EFCAB14: variants seen among roughly 807,000 people sequenced by gnomAD.
The protein encoded by EFCAB14 is EF-hand calcium-binding domain-containing protein 14.
Under a neutral mutation model 56.5 loss-of-function variants are expected in EFCAB14, and 43 were observed. The ratio of observed to expected loss-of-function variants is 0.76; its 90% CI spans 0.60 to 0.98. The LOEUF (loss-of-function observed/expected upper bound fraction) is 0.98. EFCAB14 is among the 50% of genes least tolerant of loss of function. The probability of loss-of-function intolerance (pLI) is 0.00; values close to 1 mark genes in which losing one functional copy is unlikely to be tolerated. For missense variants in EFCAB14, 538 were observed against 580.3 expected, an observed-to-expected ratio of 0.93 and a Z score of 0.75; for synonymous variants, 235 against 212.9, an observed-to-expected ratio of 1.10 and a Z score of -0.90.
At chr1:46,692,106 C>G in intron 4 of EFCAB14, 169 bp from the exon 5 acceptor site, 1 of 502,742 alleles carries the variant, frequency 2.0e-6, no homozygotes, top group Non-Finnish European at 3.5e-6. Context: ...AAAGTTTCCT[C>G]ATGACTCTCT....
intron 3 of EFCAB14, among the ~76,000 whole-genome samples, chr1:46,706,961 G>A (rs945790202): frequency 5.9e-5 from 9 of 152,270 alleles, no homozygotes; most frequent in African/African-American, 2.2e-4. Context: ...GCAAAAGTTT[G>A]GAAGTCACTG....
chr1:46,684,622 TAGA>T lies in EFCAB14; in HGVS notation c.1075-23_1075-21del. ...TTCTTTCTGCACAAAACAAAGATTA[TAGA>T]AGGTTTAAGGTGGTAGTAAGACTTC... On this transcript the variant is annotated intron_variant, in intron 8 of 10. Transcript: ENST00000371933. 1 of 1,598,830 alleles carries T rather than the reference TAGA, an allele frequency of 6.3e-7. No homozygotes were observed. Among genetic ancestry groups the T allele is most frequent in the Non-Finnish European group, 8.6e-7 (1 of 1,166,194 alleles).
chr1:46,691,662 A>G (rs1676994221), intron 5 of EFCAB14, among the ~76,000 whole-genome samples, 165 bp downstream of exon 5: 1 of 152,218 alleles, frequency 6.6e-6, no homozygotes, highest in Non-Finnish European at 1.5e-5. Context: ...TTTATCTACC[A>G]TAATTGCTTT....
chr1:46,698,784 A>C (rs915920698), intron 3 of EFCAB14, among the ~76,000 whole-genome samples: 1 of 152,198 alleles, frequency 6.6e-6, no homozygotes, highest in Non-Finnish European at 1.5e-5. Context: ...GTGCCAGAAC[A>C]GACAGGACTC....
intron 7 of EFCAB14, 82 bp downstream of exon 7, chr1:46,688,271 G>A (rs893597376): frequency 8.8e-5 from 118 of 1,345,722 alleles, no homozygotes; most frequent in Non-Finnish European, 1.1e-4. Flanking sequence ...TATGCCAGAA[G>A]GCTGTTCTCA....
At position 46,691,943 on chromosome 1, in the gene EFCAB14, T is replaced by C. The variant is rs756926653; in HGVS notation, c.580-6A>G. On this transcript the variant is annotated splice_region_variant and splice_polypyrimidine_tract_variant and intron_variant, in intron 4 of 10. Transcript: ENST00000371933. ...TTGCCAATGGAAGCTACACTCTGAA[T>C]GGAAACATATAGGAAGGTGTAAAAA... The C allele has an allele frequency of 1.9e-6, 3 of 1,610,302 alleles. No homozygotes were observed. Among genetic ancestry groups the C allele is most frequent in the Non-Finnish European group, 2.5e-6 (3 of 1,177,616 alleles).
At chr1:46,685,802 T>C (rs1676872061) in intron 8 of EFCAB14, among the ~76,000 whole-genome samples, 1 of 152,206 alleles carries the variant, frequency 6.6e-6, no homozygotes, top group African/African-American at 2.4e-5. Context: ...TACATCTGGC[T>C]CTTAAGTTTT....
rs1298866510 is a variant in EFCAB14, at chr1:46,718,160, T to C, written c.-73A>G. ...CGTACCCGATGCCCAATTCTCTTCC[T>C]GCCTTGGAGCTGCCTTCCAGGGTTG... On this transcript the variant is annotated 5_prime_UTR_variant, in exon 1 of 11. Transcript: ENST00000371933. 8.5e-6 allele frequency: 13 copies of C among 1,521,976 alleles called. No homozygotes were observed. Among genetic ancestry groups the C allele is most frequent in the Non-Finnish European group, 1.2e-5 (13 of 1,116,206 alleles). 94.3% of individuals were successfully genotyped at this position (1,521,976 alleles called of 1,614,324 possible). A position where few individuals can be genotyped will look rare whatever the true frequency, so the allele number is the denominator to read the frequency against.
rs1677083652 is a variant in EFCAB14, at chr1:46,696,789, T to C, written c.481-140A>G. 8.4e-6 allele frequency: 6 copies of C among 711,722 alleles called. No homozygotes were observed. In the South Asian group the frequency reaches 1.1e-4, roughly 13 times the overall value. The allele number at this position is 711,722 out of a possible 1,614,324, so 44.1% of individuals were successfully genotyped here. A position where few individuals can be genotyped will look rare whatever the true frequency, so the allele number is the denominator to read the frequency against. On this transcript the variant is annotated intron_variant, in intron 3 of 10. Transcript: ENST00000371933. ...CTGCAACCCTGTCAGCTCACAGAAG[T>C]AAAGGAGACAGTACTTTGGATAGAG...
intron 3 of EFCAB14, among the ~76,000 whole-genome samples, chr1:46,696,972 T>TCC (rs746365445): frequency 6.6e-6 from 1 of 152,138 alleles, no homozygotes; most frequent in Non-Finnish European, 1.5e-5. Flanking sequence ...TATCACACAC[T>TCC]CCCTCAACAA....
At chr1:46,681,168 A>G (rs1676788176) in intron 10 of EFCAB14, among the ~76,000 whole-genome samples, 1 of 152,120 alleles carries the variant, frequency 6.6e-6, no homozygotes, top group African/African-American at 2.4e-5. Context: ...TGTGTTGCCC[A>G]GGCTGGTCTC....
chr1:46,689,426 G>A (rs2241863), intron 6 of EFCAB14, among the ~76,000 whole-genome samples, 161 bp downstream of exon 6: 9,527 of 152,182 alleles, frequency 0.063, 847 homozygotes, highest in East Asian at 0.4. Context: ...CAGCAATATG[G>A]ATCCCCGAGA....
intron 2 of EFCAB14, among the ~76,000 whole-genome samples, chr1:46,709,645 T>C (rs1677279474): frequency 6.6e-6 from 1 of 152,098 alleles, no homozygotes. Flanking sequence ...TTGCAGGGTA[T>C]GAAATGGAGT....
At position 46,678,512 on chromosome 1, in the gene EFCAB14, A is replaced by C; in HGVS notation, c.1437T>G (p.Asp479Glu). The C allele has an allele frequency of 6.2e-7, 1 of 1,614,170 alleles. No homozygotes were observed. Among genetic ancestry groups the C allele is most frequent in the East Asian group, 2.2e-5 (1 of 44,876 alleles). Residue 479 changes from aspartate to glutamate, a missense_variant, in exon 11 of 11, where the codon GAT becomes GAG. Physicochemically the swap from Asp to Glu is conservative, Grantham distance 45. Transcript: ENST00000371933. ...EPESLRAFDS[D>E]GDGRYSFLEL... ...CCAGGAATGAGTATCTTCCATCTCC[A>C]TCGGAATCAAATGCTCTCAAGCTCT...
intron 10 of EFCAB14, among the ~76,000 whole-genome samples, chr1:46,682,842 G>C (rs1178107705): frequency 1.3e-5 from 2 of 152,152 alleles, no homozygotes; most frequent in African/African-American, 4.8e-5. Flanking sequence ...TGGCCAACAT[G>C]GTGAAACCCT....
intron 2 of EFCAB14, among the ~76,000 whole-genome samples, chr1:46,710,385 T>C (rs772495979): frequency 7.9e-5 from 12 of 152,200 alleles, no homozygotes; most frequent in Non-Finnish European, 1.8e-4. Flanking sequence ...CTATCTAGTG[T>C]TAACTCTAGT....
chr1:46,698,719 G>A (rs370044525), intron 3 of EFCAB14, among the ~76,000 whole-genome samples: 3 of 152,206 alleles, frequency 2.0e-5, no homozygotes, highest in South Asian at 4.1e-4. Flanking sequence ...ATGTGTGTGT[G>A]TATGTGAGAG....
At position 46,680,880 on chromosome 1, in the gene EFCAB14, C is replaced by A. The variant is rs1676782063; in HGVS notation, c.1313-2244G>T. Among the ~76,000 whole-genome samples the A allele has an allele frequency of 3.9e-5, 6 of 152,118 alleles. No individual in the cohort carries two copies. In the South Asian group the frequency reaches 1.2e-3, roughly 32 times the overall value. Reference sequence around the variant, plus strand: ...TTTTATTTCAATGGCAATATTGAGCCAAAATGATTAGAGAATGTCTATCAA... The same window carrying A: ...TTTTATTTCAATGGCAATATTGAGCAAAAATGATTAGAGAATGTCTATCAA... On this transcript the variant is annotated intron_variant, in intron 10 of 10. Coordinates refer to ENST00000371933, the MANE Select transcript of EFCAB14 (RefSeq NM_014774.3).
Position 46,689,698 on chromosome 1 carries a change from A to G in EFCAB14, c.691-7T>C. On this transcript the variant is annotated splice_region_variant and splice_polypyrimidine_tract_variant and intron_variant, in intron 5 of 10. Coordinates refer to ENST00000371933, the MANE Select transcript of EFCAB14 (RefSeq NM_014774.3). ...CCTTCAAGAAGTGCTGATTCTGTTA[A>G]GAGGAAAGAAGTTTAGTGTAGGCAA... 1 of 1,612,910 alleles carries G rather than the reference A, an allele frequency of 6.2e-7. No individual in the cohort carries two copies. The highest frequency in any genetic ancestry group is 1.7e-5 in the Admixed American group (1 of 59,978).
Sources: allele counts gnomAD v4.1 joint callset (sites outside exome capture counted in the v4.1 genomes callset), GRCh38; gene constraint gnomAD v4.1.1; transcripts MANE v1.5; gene names NCBI Gene and HGNC (gene_info 2026-07-23, HGNC 2026-07-21).